Variants in HTR7 observed in about 807,000 individuals in gnomAD.
The protein encoded by HTR7 is 5-hydroxytryptamine receptor 7, also known as 5-HT-7.
Under a neutral mutation model 34.0 loss-of-function variants are expected in HTR7, and 16 were observed. The observed-to-expected ratio is 0.47, with a 90% CI of 0.32 to 0.71. HTR7 has a LOEUF of 0.71. HTR7 is among the 30% of genes least tolerant of loss of function. HTR7 has a pLI of 0.04. For synonymous variants in HTR7, 265 were observed against 260.2 expected (o/e 1.02, Z -0.18); for missense variants, 504 against 625.5 (o/e 0.81, Z 2.07).
At chr10:90,841,447 G>A (rs1353351662) in intron 1 of HTR7, among the ~76,000 whole-genome samples, 3 of 152,178 alleles carry the variant, frequency 2.0e-5, no homozygotes, top group African/African-American at 4.8e-5. Flanking sequence ...TCTACAGGCT[G>A]TGTTCCTTTC....
rs139435872 is a variant in HTR7, at chr10:90,773,296, A to G, written c.540-23702T>C. Among the ~76,000 whole-genome samples the G allele has an allele frequency of 4.5e-3, 682 of 152,240 alleles. 4 individuals carry two copies. The highest frequency in any genetic ancestry group is 8.2e-3 in the Non-Finnish European group (558 of 68,006). On this transcript the variant is annotated intron_variant, in intron 1 of 3. Transcript: ENST00000336152. ...CAAGAAAAAATGCTCCTTTTAATGA[A>G]TTTTCCTCTATAGGTGTCATTCTTT...
chr10:90,780,634 T>C (rs1045181664), intron 1 of HTR7, among the ~76,000 whole-genome samples: 1 of 151,368 alleles, frequency 6.6e-6, no homozygotes, highest in Non-Finnish European at 1.5e-5. Context: ...AATACACAAA[T>C]AGCAACCCAG....
chr10:90,797,000 A>T (rs1196135961), intron 1 of HTR7, among the ~76,000 whole-genome samples: 1 of 151,496 alleles, frequency 6.6e-6, no homozygotes, highest in Admixed American at 6.6e-5. Context: ...CGACAAAGCA[A>T]GACTCCGTCT....
chr10:90,742,422 G>T lies in HTR7; in HGVS notation c.*60C>A. ...ATTCCATTCTGCAGACTCAGCAAATGACTTCCTTCTGTTTCCACCTCTATT... is the reference window on the plus strand; with the variant it reads ...ATTCCATTCTGCAGACTCAGCAAATTACTTCCTTCTGTTTCCACCTCTATT... On this transcript the variant is annotated 3_prime_UTR_variant, in exon 4 of 4. Transcript: ENST00000336152. 3.0e-6 allele frequency: 4 copies of T among 1,319,578 alleles called. No homozygotes were observed. In the South Asian group the frequency reaches 4.9e-5, roughly 16 times the overall value. 81.7% of individuals were successfully genotyped at this position (1,319,578 alleles called of 1,614,324 possible). A position where few individuals can be genotyped will look rare whatever the true frequency, so the allele number is the denominator to read the frequency against.
chr10:90,828,079 C>T (rs947322589), intron 1 of HTR7, among the ~76,000 whole-genome samples: 1 of 142,976 alleles, frequency 7.0e-6, no homozygotes, highest in African/African-American at 2.8e-5. Flanking sequence ...ACCACACAAA[C>T]ACACGGAAAT....
At chr10:90,767,559 A>G (rs1246049069) in intron 1 of HTR7, among the ~76,000 whole-genome samples, 1 of 151,988 alleles carries the variant, frequency 6.6e-6, no homozygotes, top group African/African-American at 2.4e-5. Flanking sequence ...TGATAGATAA[A>G]TTTTTCTCCT....
chr10:90,810,193 C>T (rs993276347), intron 1 of HTR7, among the ~76,000 whole-genome samples: 6 of 152,162 alleles, frequency 3.9e-5, no homozygotes, highest in Admixed American at 1.3e-4. Flanking sequence ...TAGGCCAAGA[C>T]ACTTTAACTA....
chr10:90,769,305 G>A (rs1005358116), intron 1 of HTR7, among the ~76,000 whole-genome samples: 2 of 152,130 alleles, frequency 1.3e-5, no homozygotes, highest in African/African-American at 2.4e-5. Context: ...TCTTTCTTAA[G>A]GAAGTCGTAT....
chr10:90,826,211 A>G (rs1405715417), intron 1 of HTR7, among the ~76,000 whole-genome samples: 1 of 152,166 alleles, frequency 6.6e-6, no homozygotes, highest in Non-Finnish European at 1.5e-5. Flanking sequence ...TTAAAATACT[A>G]AAGAAAAAAA....
At chr10:90,785,012 T>G (rs943587625) in intron 1 of HTR7, among the ~76,000 whole-genome samples, 10 of 152,192 alleles carry the variant, frequency 6.6e-5, no homozygotes, top group African/African-American at 1.9e-4. Context: ...GGATGCCGTG[T>G]CCTCCAGAAA....
chr10:90,804,395 G>A (rs1041479909), intron 1 of HTR7, among the ~76,000 whole-genome samples: 1 of 152,182 alleles, frequency 6.6e-6, no homozygotes, highest in African/African-American at 2.4e-5. Flanking sequence ...AATACCAAAA[G>A]AGCATTGTTT....
In HTR7 at chr10:90,857,683, G is replaced by C. The variant is rs748269332; in HGVS notation, c.-12C>G. 1.3e-6 allele frequency: 2 copies of C among 1,529,588 alleles called. No homozygotes were observed. The highest frequency in any genetic ancestry group is 1.4e-5 in the African/African-American group (1 of 70,014). The allele number at this position is 1,529,588 out of a possible 1,614,324, so 94.8% of individuals were successfully genotyped here. Reference sequence around the variant, plus strand: ...TTAACGTCCATCATCGCGCCGCCGTGTGCCGCTGCCCATGGAGCCGGCGCC... The same window carrying C: ...TTAACGTCCATCATCGCGCCGCCGTCTGCCGCTGCCCATGGAGCCGGCGCC... On this transcript the variant is annotated 5_prime_UTR_variant, in exon 1 of 4. Coordinates refer to ENST00000336152, the MANE Select transcript of HTR7 (RefSeq NM_019859.4). This position sits in a 1 kb window ranked among gnomAD's most constrained non-coding sequence, Gnocchi z 6.5.
intron 1 of HTR7, among the ~76,000 whole-genome samples, chr10:90,845,179 C>T (rs1035605321): frequency 6.6e-6 from 1 of 152,114 alleles, no homozygotes; most frequent in African/African-American, 2.4e-5. Flanking sequence ...AAACTGATGG[C>T]ACTTTTTGGG....
chr10:90,854,039 A>G (rs2120134789), intron 1 of HTR7, among the ~76,000 whole-genome samples: 1 of 152,376 alleles, frequency 6.6e-6, no homozygotes. Context: ...TAGAAAACCA[A>G]ACTTGACACA....
At chr10:90,823,167 C>T (rs1846014039) in intron 1 of HTR7, among the ~76,000 whole-genome samples, 1 of 152,176 alleles carries the variant, frequency 6.6e-6, no homozygotes, top group Non-Finnish European at 1.5e-5. Context: ...GTCCTCCAGA[C>T]CCCAGAATCT....
At chr10:90,846,906 T>C (rs930912436) in intron 1 of HTR7, among the ~76,000 whole-genome samples, 3 of 152,176 alleles carry the variant, frequency 2.0e-5, no homozygotes, top group Admixed American at 6.5e-5. Context: ...GGTTATTGAC[T>C]TGTGCTTCTC....
intron 1 of HTR7, among the ~76,000 whole-genome samples, chr10:90,847,425 A>G (rs1846427609): frequency 6.6e-6 from 1 of 152,128 alleles, no homozygotes; most frequent in African/African-American, 2.4e-5. Flanking sequence ...TCTCCTTCTC[A>G]CTTTCCCATA....
chr10:90,776,700 A>C (rs988555275), intron 1 of HTR7, among the ~76,000 whole-genome samples: 11 of 152,206 alleles, frequency 7.2e-5, no homozygotes, highest in African/African-American at 2.7e-4. Flanking sequence ...GAGTAAGATC[A>C]TTTTCTTTTT....
At chr10:90,856,973 T>C (rs1331555750) in intron 1 of HTR7, among the ~76,000 whole-genome samples, 160 bp downstream of exon 1, 1 of 152,102 alleles carries the variant, frequency 6.6e-6, no homozygotes, top group Non-Finnish European at 1.5e-5. Context: ...TAACCGAAGT[T>C]TGGTTGGTGT....
Sources: gnomAD v4.1 joint callset for allele counts (sites outside exome capture counted in the v4.1 genomes callset) on GRCh38, gnomAD v4.1.1 for gene constraint, Gnocchi (gnomAD v3.1) non-coding constraint, MANE v1.5 for transcripts, NCBI Gene and HGNC (gene_info 2026-07-23, HGNC 2026-07-21) for gene names.